THOC2: variants seen among roughly 807,000 people sequenced by gnomAD.
THOC2 encodes THO complex 2.
A neutral mutation model predicts 128.4 loss-of-function variants in THOC2; 10 were observed. The ratio of observed to expected loss-of-function variants is 0.08; its 90% CI spans 0.05 to 0.13. The LOEUF (loss-of-function observed/expected upper bound fraction) is 0.13, where lower values mean the gene tolerates loss of function less well. Among genes scored for constraint, THOC2 ranks in the 10% least tolerant of loss-of-function variants. The probability of loss-of-function intolerance (pLI) is 1.00; values close to 1 mark genes in which losing one functional copy is unlikely to be tolerated. For synonymous variants in THOC2, 393 were observed against 396.9 expected (o/e 0.99, Z 0.12); for missense variants, 535 against 1,155.7 (o/e 0.46, Z 7.79).
intron 12 of THOC2, among the ~76,000 whole-genome samples, chrX:123,649,187 G>A (rs2048256579): frequency 8.9e-6 from 1 of 112,205 alleles, no homozygotes; most frequent in Non-Finnish European, 1.9e-5. Context: ...GTCTGGAGTG[G>A]ACCTCCAGCA....
chrX:123,633,634 C>T (rs1915346733), intron 20 of THOC2, among the ~76,000 whole-genome samples: 2 of 111,468 alleles, frequency 1.8e-5, no homozygotes, highest in Non-Finnish European at 3.8e-5. Flanking sequence ...GAACTCCTGA[C>T]CTCAGGTGAT....
At chrX:123,669,383 G>A (rs1375450039) in intron 9 of THOC2, among the ~76,000 whole-genome samples, 1 of 107,760 alleles carries the variant, frequency 9.3e-6, no homozygotes, top group Non-Finnish European at 1.9e-5. Context: ...GAAATGGCAC[G>A]ATCTCGGCCC....
Position 123,691,452 on chromosome X carries a change from A to T in THOC2, c.601+4569T>A, listed in dbSNP as rs879087878. Among the ~76,000 whole-genome samples, 3 of 111,970 alleles carry T rather than the reference A, an allele frequency of 2.7e-5. No individual in the cohort carries two copies. In the Admixed American group the frequency reaches 2.8e-4, roughly 11 times the overall value. The stretch of plus-strand genomic sequence containing the variant: ...TATATTCAGATTGAACCAAAGATAA[A>T]ATACTAAATACACTCAAAATCATGT... On this transcript the variant is annotated intron_variant, in intron 7 of 38. Transcript: ENST00000245838.
Position 123,706,357 on chromosome X carries a change from G to C in THOC2, c.222+501C>G, listed in dbSNP as rs144833082. Among the ~76,000 whole-genome samples, 776 of 109,623 alleles carry C rather than the reference G, an allele frequency of 7.1e-3. 8 individuals are homozygous for C. The highest frequency in any genetic ancestry group is 0.024 in the African/African-American group (742 of 30,485). ...TTTTAGAGTGGCATTTTTTATTAAG[G>C]ACACCTTAATTTCTTCTTTTTTTTT... On this transcript the variant is annotated intron_variant, in intron 3 of 38. Coordinates refer to ENST00000245838, the MANE Select transcript of THOC2 (RefSeq NM_001081550.2).
At chrX:123,621,609 T>C in intron 30 of THOC2, 22 bp from the exon 31 acceptor site, 3 of 1,019,872 alleles carry the variant, frequency 2.9e-6, no homozygotes, top group Non-Finnish European at 4.0e-6. Flanking sequence ...AAACATGGGA[T>C]TTTAACACAA....
At chrX:123,649,743 A>C (rs972098179) in intron 12 of THOC2, among the ~76,000 whole-genome samples, 2 of 111,162 alleles carry the variant, frequency 1.8e-5, no homozygotes, top group Admixed American at 9.6e-5. Flanking sequence ...AAATGTGAAG[A>C]CAAGATTAGA....
rs1018717662 is a variant in THOC2 at position 123,623,309 on chromosome X, T to C, written c.3504-26A>G. The C allele has an allele frequency of 5.3e-6, 6 of 1,141,577 alleles. No individual in the cohort carries two copies. The African/African-American group carries it at 7.2e-5, about 14-fold the overall frequency. 94.1% of individuals were successfully genotyped at this position (1,141,577 alleles called of 1,213,427 possible). On this transcript the variant is annotated intron_variant, in intron 28 of 38. Transcript: ENST00000245838. ...CTGAAAGTCGCACAAAGTGTTTAAA[T>C]ATACAAACACAAATCAAAAAACATA...
intron 8 of THOC2, among the ~76,000 whole-genome samples, chrX:123,674,482 T>C (rs758479336): frequency 1.3e-3 from 142 of 112,120 alleles, no homozygotes; most frequent in Non-Finnish European, 2.3e-3. Context: ...TTATACACAG[T>C]ATGTAACTGG....
chrX:123,720,959 GAAGATGAAA>G (rs2051667119), intron 1 of THOC2, among the ~76,000 whole-genome samples: 2 of 111,527 alleles, frequency 1.8e-5, no homozygotes, highest in Non-Finnish European at 3.8e-5. Flanking sequence ...TCAGCTCATA[GAAGATGAAA>G]AAGATCAGGA....
intron 28 of THOC2, 22 bp downstream of exon 28, chrX:123,623,765 C>A: frequency 8.3e-7 from 1 of 1,202,116 alleles, no homozygotes; most frequent in Non-Finnish European, 1.1e-6. Flanking sequence ...TTGTAAATCA[C>A]ATTAAAATAT....
chrX:123,647,494 G>A (rs1260270444), intron 12 of THOC2, among the ~76,000 whole-genome samples: 6 of 110,980 alleles, frequency 5.4e-5, no homozygotes, highest in Admixed American at 4.8e-4. Flanking sequence ...CAGGCATTGG[G>A]AATTCAAATA....
At chrX:123,661,827 T>C (rs1198664888) in intron 12 of THOC2, among the ~76,000 whole-genome samples, 1 of 111,873 alleles carries the variant, frequency 8.9e-6, no homozygotes, top group Non-Finnish European at 1.9e-5. Context: ...ACTCTGTCTC[T>C]ACAAATATTT....
intron 38 of THOC2, chrX:123,603,725 C>T (rs2046366862): frequency 2.5e-6 from 1 of 397,743 alleles, no homozygotes; most frequent in East Asian, 4.4e-5. Context: ...GGGAGACTTT[C>T]GGCTTAGGGG....
intron 36 of THOC2, 138 bp downstream of exon 36, chrX:123,613,260 TC>T: frequency 1.7e-6 from 1 of 591,270 alleles, no homozygotes; most frequent in Non-Finnish European, 2.6e-6. Flanking sequence ...CGGAATGCCC[TC>T]CCTCAATACC....
intron 12 of THOC2, among the ~76,000 whole-genome samples, chrX:123,650,996 AG>A (rs2048330685): frequency 8.9e-6 from 1 of 112,090 alleles, no homozygotes. Flanking sequence ...TCAAATCAAC[AG>A]AATATACATT....
chrX:123,730,280 G>A (rs1452305136), intron 1 of THOC2, among the ~76,000 whole-genome samples: 1 of 109,857 alleles, frequency 9.1e-6, no homozygotes, highest in Non-Finnish European at 1.9e-5. Flanking sequence ...CCAGATTCAA[G>A]CGATTCTCCC....
At chrX:123,677,777 G>A (rs1024225219) in intron 8 of THOC2, among the ~76,000 whole-genome samples, 1 of 109,194 alleles carries the variant, frequency 9.2e-6, no homozygotes, top group Admixed American at 9.8e-5. Context: ...GGCTGAGGCA[G>A]GAGAATGGCT....
chrX:123,671,431 C>T (rs936423446), intron 9 of THOC2, among the ~76,000 whole-genome samples: 50 of 111,830 alleles, frequency 4.5e-4, no homozygotes, highest in African/African-American at 1.3e-3. Flanking sequence ...ATAAAGGTGA[C>T]CAAAACTTAA....
rs192203843 is a variant in THOC2 at position 123,732,144 on chromosome X, C to T, written c.71+808G>A. Among the ~76,000 whole-genome samples the T allele has an allele frequency of 4.5e-3, 496 of 111,258 alleles. 1 individual carries two copies. The highest frequency in any genetic ancestry group is 6.5e-3 in the Non-Finnish European group (347 of 52,986). ...TTCGGTGTTACGGGGGAAAGTTTCACGACTAAAGGAAACGCGTTATCCTAG... is the reference window on the plus strand; with the variant it reads ...TTCGGTGTTACGGGGGAAAGTTTCATGACTAAAGGAAACGCGTTATCCTAG... On this transcript the variant is annotated intron_variant, in intron 1 of 38. Coordinates refer to ENST00000245838, the MANE Select transcript of THOC2 (RefSeq NM_001081550.2).
Sources: allele counts gnomAD v4.1 joint callset (sites outside exome capture counted in the v4.1 genomes callset), GRCh38; gene constraint gnomAD v4.1.1; transcripts MANE v1.5; gene names NCBI Gene and HGNC (gene_info 2026-07-23, HGNC 2026-07-21).